Variants in ZDHHC16 observed in about 807,000 individuals in gnomAD.
ZDHHC16 encodes the protein palmitoyltransferase ZDHHC16.
In ZDHHC16, 33 loss-of-function variants were observed where a neutral mutation model predicts 54.4. That is an observed-to-expected ratio of 0.61 (90% CI 0.46 to 0.81). The LOEUF (loss-of-function observed/expected upper bound fraction) is 0.81. Ranked by LOEUF, ZDHHC16 falls within the 30% of genes least tolerant of loss-of-function variation. ZDHHC16 has a pLI of 0.00. For missense variants in ZDHHC16, 420 were observed against 485.9 expected (o/e 0.86, Z 1.28); for synonymous variants, 185 against 182.1 (o/e 1.02, Z -0.13).
chr10:97,453,810 G>C lies in ZDHHC16; in HGVS notation c.702G>C (p.Gln234His), dbSNP rs1358102117. The change falls in exon 8 of 12, where the codon CAG becomes CAC. Residue 234 changes from glutamine (Q) to histidine (H), a missense_variant. By Grantham distance (24) the Gln-to-His change is conservative (BLOSUM62 0). Transcript: ENST00000393760. Reference sequence around the variant, plus strand: ...TTCCGTCCCCTTAGAAAATGAAACAGCTCGACAAGAACAAACTACAGGCGG... The same window carrying C: ...TTCCGTCCCCTTAGAAAATGAAACACCTCGACAAGAACAAACTACAGGCGG... ...EAYAAIEKMK[Q>H]LDKNKLQAVA... 1 of 1,614,220 alleles carries C rather than the reference G, an allele frequency of 6.2e-7. No homozygotes were observed. The highest frequency in any genetic ancestry group is 8.5e-7 in the Non-Finnish European group (1 of 1,180,040).
chr10:97,451,535 T>A lies in ZDHHC16; in HGVS notation c.-5-136T>A, dbSNP rs915957447. On this transcript the variant is annotated intron_variant, in intron 2 of 11. Transcript: ENST00000393760. ...AGAAAAGTGAAGTAACCTTCCTACT[T>A]CTCACAGTTGGTGACTGGCCTAGCT... The A allele has an allele frequency of 2.4e-6, 3 of 1,245,124 alleles. No individual in the cohort carries two copies. In the African/African-American group the frequency reaches 4.5e-5, roughly 19 times the overall value. 77.1% of individuals were successfully genotyped at this position (1,245,124 alleles called of 1,614,324 possible).
At chr10:97,452,562 C>A (rs1016259702) in intron 5 of ZDHHC16, 59 bp downstream of exon 5, 2 of 1,553,870 alleles carry the variant, frequency 1.3e-6, no homozygotes, top group African/African-American at 2.7e-5. Flanking sequence ...AGCCCTAGGG[C>A]AAAACCTAAC....
chr10:97,451,098 C>T (rs1468868001), intron 2 of ZDHHC16: 4 of 152,692 alleles, frequency 2.6e-5, no homozygotes, highest in African/African-American at 9.6e-5. Flanking sequence ...TTTGCCAAGA[C>T]TTAAATAGCA....
In ZDHHC16 at chr10:97,452,415, G is replaced by A. The variant is rs1221958525; in HGVS notation, c.439G>A (p.Gly147Ser). The A allele has an allele frequency of 3.1e-6, 5 of 1,613,984 alleles. No homozygotes were observed. The highest frequency in any genetic ancestry group is 4.2e-6 in the Non-Finnish European group (5 of 1,180,014). ...CACGTTATGCTCTCCCTTCACACAG[G>A]GCAGGAATGATATCGCCACCGTCTC... is the stretch of plus-strand genomic sequence containing the variant. ...ITTPPGYPPQ[G>S]RNDIATVSIC... is the part of the protein sequence containing the mutation. Residue 147 changes from glycine (G) to serine (S), a missense_variant and splice_region_variant, in exon 5 of 12, where the codon GGC becomes AGC. Physicochemically the swap from Gly to Ser is moderately conservative, Grantham distance 56. Coordinates refer to ENST00000393760, the MANE Select transcript of ZDHHC16 (RefSeq NM_198046.3).
intron 1 of ZDHHC16, chr10:97,448,182 T>C (rs557489761): frequency 3.3e-5 from 5 of 152,332 alleles, no homozygotes; most frequent in African/African-American, 1.2e-4. Flanking sequence ...TCTCTCTTTA[T>C]GAATCAGGAA....
chr10:97,456,479 G>A (rs912642286), intron 11 of ZDHHC16: 4 of 310,790 alleles, frequency 1.3e-5, no homozygotes, highest in African/African-American at 2.1e-5. Context: ...TTACTGAGGC[G>A]GTAACAATCA....
chr10:97,448,841 T>C (rs1344514662), intron 1 of ZDHHC16, among the ~76,000 whole-genome samples: 1 of 152,210 alleles, frequency 6.6e-6, no homozygotes, highest in Non-Finnish European at 1.5e-5. Context: ...TTAAAGTATA[T>C]GGGAAGATAC....
In ZDHHC16 at chr10:97,455,775, A is replaced by G; in HGVS notation, c.940A>G (p.Lys314Glu). The change falls in exon 10 of 12, where the codon AAG becomes GAG. Residue 314 changes from lysine to glutamate, a missense_variant. Physicochemically the swap from Lys to Glu is moderately conservative, Grantham distance 56. Coordinates refer to ENST00000393760, the MANE Select transcript of ZDHHC16 (RefSeq NM_198046.3). Reference protein sequence around the residue: ...NKKERRRLQAKGRVFRNPYNY... With the variant: ...NKKERRRLQAEGRVFRNPYNY... ...GAAGGAGAGACGTCGGCTACAGGCC[A>G]AGGGCAGAGTGAGTAGGGTTGAAGG... is the stretch of plus-strand genomic sequence containing the variant. The G allele has an allele frequency of 1.2e-6, 2 of 1,614,028 alleles. No individual in the cohort carries two copies. Among genetic ancestry groups the G allele is most frequent in the Non-Finnish European group, 1.7e-6 (2 of 1,179,974 alleles).
In ZDHHC16 at chr10:97,456,907, C is replaced by T; in HGVS notation, c.*16C>T. On this transcript the variant is annotated 3_prime_UTR_variant, in exon 12 of 12. Coordinates refer to ENST00000393760, the MANE Select transcript of ZDHHC16 (RefSeq NM_198046.3). ...GGCAGTGTGAGCTGGACTGTGTCAG[C>T]CACGACTCGAGCACTCATTCTGCTC... The T allele has an allele frequency of 1.3e-6, 2 of 1,583,852 alleles. No homozygotes were observed. Among genetic ancestry groups the T allele is most frequent in the Non-Finnish European group, 1.7e-6 (2 of 1,161,132 alleles).
Position 97,451,932 on chromosome 10 carries a change from A to C in ZDHHC16, c.243+14A>C. Reference sequence around the variant, plus strand: ...TGGTTTGGAGTGGTGAGTGATGTCCAGGGAGCAGGAAAAGGGGTGTTGTGG... The same window carrying C: ...TGGTTTGGAGTGGTGAGTGATGTCCCGGGAGCAGGAAAAGGGGTGTTGTGG... On this transcript the variant is annotated intron_variant, in intron 3 of 11. Coordinates refer to ENST00000393760, the MANE Select transcript of ZDHHC16 (RefSeq NM_198046.3). 1 of 1,602,022 alleles carries C rather than the reference A, an allele frequency of 6.2e-7. No homozygotes were observed. The highest frequency in any genetic ancestry group is 8.5e-7 in the Non-Finnish European group (1 of 1,172,706).
chr10:97,449,071 G>A (rs1343980865), intron 1 of ZDHHC16, among the ~76,000 whole-genome samples: 2 of 152,168 alleles, frequency 1.3e-5, no homozygotes, highest in Non-Finnish European at 2.9e-5. Context: ...AGTCCCAGTA[G>A]AGTTGAATGA....
At position 97,456,792 on chromosome 10, in the gene ZDHHC16, G is replaced by A; in HGVS notation, c.1035G>A (p.Arg345=). 1 of 1,612,358 alleles carries A rather than the reference G, an allele frequency of 6.2e-7. No homozygotes were observed. Among genetic ancestry groups the A allele is most frequent in the Non-Finnish European group, 8.5e-7 (1 of 1,178,834 alleles). The change falls in exon 12 of 12, where the codon CGG becomes CGA. Residue 345 remains arginine (R), a synonymous_variant. Coordinates refer to ENST00000393760, the MANE Select transcript of ZDHHC16 (RefSeq NM_198046.3). ...TCTCTTCTAGGCACTGGCTTACTCG[G>A]GTGCTCTTACCTTCTAGTCACTTGC... The part of the protein sequence containing the change: ...GVDTGRHWLT[R]VLLPSSHLPH...
In ZDHHC16 at chr10:97,453,863, C is replaced by T; in HGVS notation, c.738+17C>T. The T allele has an allele frequency of 6.2e-7, 1 of 1,614,070 alleles. No individual in the cohort carries two copies. Reference sequence around the variant, plus strand: ...GCCAACCAGGTGGGCTGTCCCCACCCCACTGCCTCCTGCTGCTCAGGCCTG... The same window carrying T: ...GCCAACCAGGTGGGCTGTCCCCACCTCACTGCCTCCTGCTGCTCAGGCCTG... On this transcript the variant is annotated intron_variant, in intron 8 of 11. Transcript: ENST00000393760.
chr10:97,446,721 G>T (rs979908970), intron 1 of ZDHHC16, among the ~76,000 whole-genome samples: 1 of 152,106 alleles, frequency 6.6e-6, no homozygotes, highest in African/African-American at 2.4e-5. Flanking sequence ...CCTTTTCCCG[G>T]TTTTTTTGTT....
At chr10:97,455,522 T>C (rs1564807689) in intron 9 of ZDHHC16, 138 bp from the exon 10 acceptor site, 1 of 1,409,204 alleles carries the variant, frequency 7.1e-7, no homozygotes, top group Non-Finnish European at 9.8e-7. Flanking sequence ...TAAAAGTTTA[T>C]CTAGGATATA....
At position 97,457,023 on chromosome 10, in the gene ZDHHC16, G is replaced by A; in HGVS notation, c.*132G>A. Reference sequence around the variant, plus strand: ...GGGCCTGCCTTAGGGTACCATGCAGGACAATTCAAGGACCAGCCTTTTTAC... The same window carrying A: ...GGGCCTGCCTTAGGGTACCATGCAGAACAATTCAAGGACCAGCCTTTTTAC... On this transcript the variant is annotated 3_prime_UTR_variant, in exon 12 of 12. Transcript: ENST00000393760. 1 of 567,874 alleles carries A rather than the reference G, an allele frequency of 1.8e-6. No individual in the cohort carries two copies. The highest frequency in any genetic ancestry group is 2.9e-6 in the Non-Finnish European group (1 of 344,108). 35.2% of individuals were successfully genotyped at this position (567,874 alleles called of 1,614,324 possible). A position where few individuals can be genotyped will look rare whatever the true frequency, so the allele number is the denominator to read the frequency against.
At chr10:97,446,864 G>T (rs1846101224) in intron 1 of ZDHHC16, among the ~76,000 whole-genome samples, 1 of 152,110 alleles carries the variant, frequency 6.6e-6, no homozygotes, top group Non-Finnish European at 1.5e-5. Flanking sequence ...ACTTACAGGC[G>T]CGCGCCACCA....
intron 10 of ZDHHC16, 57 bp downstream of exon 10, chr10:97,455,840 TAAAC>T: frequency 6.2e-7 from 1 of 1,606,012 alleles, no homozygotes; most frequent in South Asian, 1.1e-5. Flanking sequence ...TGCTCTCCTG[TAAAC>T]AGAGGCCATG....
rs1846858719 is a variant in ZDHHC16 at position 97,453,563 on chromosome 10, A to G, written c.590A>G (p.His197Arg). 2 of 1,613,946 alleles carry G rather than the reference A, an allele frequency of 1.2e-6. No individual in the cohort carries two copies. The highest frequency in any genetic ancestry group is 2.2e-5 in the South Asian group (2 of 91,082). The change falls in exon 7 of 12, where the codon CAT becomes CGT. Residue 197 changes from histidine to arginine, a missense_variant. Coordinates refer to ENST00000393760, the MANE Select transcript of ZDHHC16 (RefSeq NM_198046.3). ...AACAATTGTGTGGGCCACTATAACC[A>G]TCGGTACTTCTTCTCTTTCTGCTTT... ...WLNNCVGHYN[H>R]RYFFSFCFFM...
Sources: gnomAD v4.1 joint callset for allele counts (sites outside exome capture counted in the v4.1 genomes callset) on GRCh38, gnomAD v4.1.1 for gene constraint, MANE v1.5 for transcripts, NCBI Gene and HGNC (gene_info 2026-07-23, HGNC 2026-07-21) for gene names.